Variants in PSD3 observed in about 807,000 individuals in gnomAD.
The protein encoded by PSD3 is pleckstrin and Sec7 domain containing 3, also known as PH and SEC7 domain-containing protein 3.
Under a neutral mutation model 105.5 loss-of-function variants are expected in PSD3, and 49 were observed. The observed-to-expected ratio is 0.46, with a 90% CI of 0.37 to 0.59. The LOEUF (loss-of-function observed/expected upper bound fraction) is 0.59. Among genes scored for constraint, PSD3 ranks in the 20% least tolerant of loss-of-function variants. The probability of loss-of-function intolerance (pLI) is 0.00; values close to 1 mark genes in which losing one functional copy is unlikely to be tolerated. For synonymous variants in PSD3, 557 were observed against 457.8 expected, an observed-to-expected ratio of 1.22 and a Z score of -2.77; for missense variants, 1,561 against 1,263.8, an observed-to-expected ratio of 1.24 and a Z score of -3.57.
At chr8:19,059,559 G>A (rs189744345) in intron 1 of PSD3, among the ~76,000 whole-genome samples, 2 of 152,274 alleles carry the variant, frequency 1.3e-5, no homozygotes, top group Admixed American at 1.3e-4. Flanking sequence ...ACTTTATTGG[G>A]TAACATCAGA....
chr8:18,782,406 G>GT (rs1163888638), intron 8 of PSD3, among the ~76,000 whole-genome samples: 1 of 152,120 alleles, frequency 6.6e-6, no homozygotes, highest in Non-Finnish European at 1.5e-5. Flanking sequence ...GGGAGAAGCA[G>GT]TGCAGTCTCC....
At chr8:19,079,263 C>G (rs189553593) in intron 1 of PSD3, among the ~76,000 whole-genome samples, 1 of 152,248 alleles carries the variant, frequency 6.6e-6, no homozygotes, top group East Asian at 1.9e-4. Flanking sequence ...ACATCTGTGT[C>G]AAAACCAACG....
rs1332715018 is a variant in PSD3, at chr8:18,677,965, AGG to A, written c.2173-22282_2173-22281del. Among the ~76,000 whole-genome samples the A allele has an allele frequency of 7.0e-3, 1,047 of 150,140 alleles. 14 individuals carry two copies. Among genetic ancestry groups the A allele is most frequent in the African/African-American group, 0.024 (988 of 40,852 alleles). On this transcript the variant is annotated intron_variant, in intron 9 of 15. Transcript: ENST00000327040. The stretch of plus-strand genomic sequence containing the variant: ...GCAGAGCTTGCAGTGAGCCGAGATC[AGG>A]CCACTGCACTCCAGCCTGGGCAGCA...
At chr8:18,690,458 G>A (rs1199925743) in intron 9 of PSD3, among the ~76,000 whole-genome samples, 1 of 152,150 alleles carries the variant, frequency 6.6e-6, no homozygotes, top group Non-Finnish European at 1.5e-5. Flanking sequence ...CTTCTTCCAG[G>A]CCTTTCCAGC....
At chr8:18,623,976 G>A (rs1055011349) in intron 11 of PSD3, among the ~76,000 whole-genome samples, 4 of 152,000 alleles carry the variant, frequency 2.6e-5, no homozygotes, top group African/African-American at 9.7e-5. Flanking sequence ...TTGATACGTG[G>A]AACTCTAGCT....
chr8:18,550,017 A>G (rs924958631), intron 15 of PSD3, among the ~76,000 whole-genome samples: 5 of 152,216 alleles, frequency 3.3e-5, no homozygotes, highest in African/African-American at 1.2e-4. Flanking sequence ...TGGATTCCCA[A>G]TCTAGTCCTT....
chr8:18,653,166 C>T (rs1282091316), intron 10 of PSD3, among the ~76,000 whole-genome samples: 2 of 152,048 alleles, frequency 1.3e-5, no homozygotes, highest in Non-Finnish European at 2.9e-5. Context: ...GGAGGAAACA[C>T]TGAAATATGG....
At chr8:18,970,978 CAAGA>C (rs1824615424) in intron 1 of PSD3, among the ~76,000 whole-genome samples, 1 of 115,602 alleles carries the variant, frequency 8.7e-6, no homozygotes. Flanking sequence ...GACTCTGTCT[CAAGA>C]AAAAAAAAAA....
intron 1 of PSD3, among the ~76,000 whole-genome samples, chr8:18,940,792 G>A (rs971342384): frequency 1.3e-5 from 2 of 152,232 alleles, no homozygotes; most frequent in Admixed American, 1.3e-4. Context: ...TATAATCCCT[G>A]GGTCTGGGGT....
At chr8:18,781,581 G>A (rs1414585805) in intron 8 of PSD3, among the ~76,000 whole-genome samples, 1 of 152,184 alleles carries the variant, frequency 6.6e-6, no homozygotes, top group Non-Finnish European at 1.5e-5. Context: ...TGCTATTAGT[G>A]TGATAGGGAT....
At chr8:18,897,125 T>A (rs944364438) in intron 2 of PSD3, among the ~76,000 whole-genome samples, 1 of 152,184 alleles carries the variant, frequency 6.6e-6, no homozygotes, top group East Asian at 1.9e-4. Flanking sequence ...GTCTTTTTGA[T>A]AACAGCCATT....
At chr8:18,675,321 T>C (rs1328730133) in intron 9 of PSD3, among the ~76,000 whole-genome samples, 1 of 152,186 alleles carries the variant, frequency 6.6e-6, no homozygotes, top group Non-Finnish European at 1.5e-5. Flanking sequence ...GTAGTAGAGC[T>C]GACGCTGACA....
In PSD3 at chr8:18,921,376, A is replaced by T. The variant is rs573807073; in HGVS notation, c.130+14658T>A. ...AGCCTGTATGTGCATGACAACAAAC[A>T]CTAGGGGAGATGCTTAAAATGTAGA... On this transcript the variant is annotated intron_variant, in intron 2 of 15. Transcript: ENST00000327040. 1.1e-4 allele frequency among the ~76,000 whole-genome samples: 16 copies of T among 152,380 alleles called. No individual in the cohort carries two copies. In the South Asian group the frequency reaches 3.3e-3, roughly 32 times the overall value.
chr8:18,968,588 T>C (rs1188216438), intron 1 of PSD3, among the ~76,000 whole-genome samples: 3 of 152,166 alleles, frequency 2.0e-5, no homozygotes, highest in Non-Finnish European at 4.4e-5. Context: ...TAAAATGTTG[T>C]GGCCTGGGCC....
chr8:18,706,338 T>C (rs1801896407), intron 9 of PSD3, among the ~76,000 whole-genome samples: 1 of 152,244 alleles, frequency 6.6e-6, no homozygotes, highest in Non-Finnish European at 1.5e-5. Flanking sequence ...GAATTTTTTC[T>C]CGTTTTGCTT....
intron 10 of PSD3, among the ~76,000 whole-genome samples, chr8:18,634,414 A>T (rs1807113241): frequency 6.6e-6 from 1 of 152,158 alleles, no homozygotes; most frequent in African/African-American, 2.4e-5. Flanking sequence ...TCCTAATATT[A>T]ACATCTTATA....
intron 2 of PSD3, among the ~76,000 whole-genome samples, chr8:18,898,619 G>A (rs968951553): frequency 5.3e-5 from 8 of 152,072 alleles, no homozygotes; most frequent in African/African-American, 1.9e-4. Context: ...AAGTCTTACT[G>A]ATAATATAAA....
At chr8:18,680,730 T>G (rs1800338959) in intron 9 of PSD3, among the ~76,000 whole-genome samples, 1 of 152,192 alleles carries the variant, frequency 6.6e-6, no homozygotes, top group African/African-American at 2.4e-5. Context: ...GAAGGGGGTT[T>G]TAAAGAAAAT....
chr8:18,799,011 A>G (rs1215892827), intron 8 of PSD3: 3 of 315,142 alleles, frequency 9.5e-6, no homozygotes, highest in African/African-American at 6.5e-5. Context: ...AACAAAAATA[A>G]GTAAAAGCTC....
Sources: allele counts gnomAD v4.1 joint callset (sites outside exome capture counted in the v4.1 genomes callset), GRCh38; gene constraint gnomAD v4.1.1; transcripts MANE v1.5; gene names NCBI Gene and HGNC (gene_info 2026-07-23, HGNC 2026-07-21).